Variants in GLCE observed in about 807,000 individuals in gnomAD.
GLCE encodes the protein D-glucuronyl C5-epimerase.
In GLCE, 19 loss-of-function variants were observed where a neutral mutation model predicts 47.9. The ratio of observed to expected loss-of-function variants is 0.40; its 90% CI spans 0.28 to 0.58. The LOEUF is 0.58. Among genes scored for constraint, GLCE ranks in the 20% least tolerant of loss-of-function variants. The pLI is 0.48. For missense variants in GLCE, 556 were observed against 743.3 expected (o/e 0.75, Z 2.93); for synonymous variants, 245 against 263.4 (o/e 0.93, Z 0.68).
At chr15:69,205,222 C>A (rs952511387) in intron 1 of GLCE, among the ~76,000 whole-genome samples, 1 of 151,658 alleles carries the variant, frequency 6.6e-6, no homozygotes, top group African/African-American at 2.4e-5. Flanking sequence ...CAAAAATGGT[C>A]ATGAAGTGGA....
chr15:69,207,939 G>T (rs979078877), intron 1 of GLCE, among the ~76,000 whole-genome samples: 1 of 151,824 alleles, frequency 6.6e-6, no homozygotes, highest in Non-Finnish European at 1.5e-5. Context: ...TTGTTTGTTT[G>T]TTTGTTTTTT....
chr15:69,241,072 G>GTCA (rs1293840418), intron 2 of GLCE, among the ~76,000 whole-genome samples: 48 of 152,084 alleles, frequency 3.2e-4, no homozygotes, highest in African/African-American at 1.1e-3. Flanking sequence ...CATCGTCGTC[G>GTCA]TCATCATCAT....
intron 1 of GLCE, among the ~76,000 whole-genome samples, chr15:69,203,046 A>C (rs548678265): frequency 6.6e-6 from 1 of 152,282 alleles, no homozygotes; most frequent in East Asian, 1.9e-4. Context: ...GGGTGAAGGA[A>C]AGTAGTAGCT....
intron 1 of GLCE, among the ~76,000 whole-genome samples, chr15:69,183,917 T>A (rs2051786203): frequency 6.6e-6 from 1 of 152,168 alleles, no homozygotes; most frequent in Non-Finnish European, 1.5e-5. Flanking sequence ...AGAACCAAGT[T>A]GTAGTTAGAG....
chr15:69,173,250 G>T (rs980098407), intron 1 of GLCE, among the ~76,000 whole-genome samples: 3 of 152,238 alleles, frequency 2.0e-5, no homozygotes, highest in African/African-American at 7.2e-5. Flanking sequence ...AGTGAGAAGA[G>T]AGTAATCAGA....
Position 69,261,130 on chromosome 15 carries a change from T to A in GLCE, c.630T>A (p.Tyr210Ter). 6.2e-7 allele frequency: 1 copy of A among 1,612,700 alleles called. No homozygotes were observed. Among genetic ancestry groups the A allele is most frequent in the East Asian group, 2.2e-5 (1 of 44,858 alleles). The change falls in exon 4 of 5, where the codon TAT becomes TAA. Residue 210 changes from tyrosine to a stop codon, truncating the protein, a stop_gained. Coordinates refer to ENST00000261858, the MANE Select transcript of GLCE (RefSeq NM_015554.3). LOFTEE classifies it high-confidence loss of function. ...STQWGPQGYF[Y>*]PIQIAQYGLS... ...AATGGGGACCTCAAGGCTATTTCTA[T>A]CCAATCCAGATTGCACAGTATGGAT...
intron 2 of GLCE, among the ~76,000 whole-genome samples, chr15:69,250,284 A>C (rs1566968734): frequency 1.3e-5 from 2 of 152,080 alleles, no homozygotes; most frequent in East Asian, 3.9e-4. Context: ...ATTATAATGA[A>C]ATTACTGAGT....
chr15:69,260,257 T>C (rs1187093590), intron 3 of GLCE, among the ~76,000 whole-genome samples: 22 of 140,664 alleles, frequency 1.6e-4, no homozygotes, highest in African/African-American at 5.3e-4. Flanking sequence ...AACTGGTTTT[T>C]TTTTTTTTTT....
chr15:69,180,288 C>T (rs1424040671), intron 1 of GLCE, among the ~76,000 whole-genome samples: 1 of 151,960 alleles, frequency 6.6e-6, no homozygotes, highest in Non-Finnish European at 1.5e-5. Context: ...AATATTTGAC[C>T]ATTTTATGCC....
At chr15:69,194,009 G>A (rs1294398182) in intron 1 of GLCE, among the ~76,000 whole-genome samples, 2 of 152,116 alleles carry the variant, frequency 1.3e-5, no homozygotes, top group Admixed American at 6.6e-5. Flanking sequence ...TGAGAAATGA[G>A]AGAAGAAAAG....
intron 4 of GLCE, among the ~76,000 whole-genome samples, chr15:69,265,586 C>T (rs1182690007): frequency 6.6e-6 from 1 of 152,156 alleles, no homozygotes; most frequent in African/African-American, 2.4e-5. Flanking sequence ...AAAATTAATA[C>T]ATTGGCTTTT....
chr15:69,193,747 T>G (rs1177689086), intron 1 of GLCE, among the ~76,000 whole-genome samples: 1 of 152,032 alleles, frequency 6.6e-6, no homozygotes, highest in East Asian at 2.0e-4. Flanking sequence ...AAGTGTCTCC[T>G]TAAATTTTGT....
At chr15:69,237,674 C>G (rs2052612224) in intron 2 of GLCE, among the ~76,000 whole-genome samples, 1 of 152,096 alleles carries the variant, frequency 6.6e-6, no homozygotes, top group Admixed American at 6.6e-5. Context: ...TACTCTGTAT[C>G]TTATGATTTT....
rs2053145372 is a variant in GLCE, at chr15:69,270,140, A to G, written c.*896A>G. ...ACTTATTACAAATCTAAATTTGGAA[A>G]GGAGCTAGTAGCTTTAAGGCCACCA... is the stretch of plus-strand genomic sequence containing the variant. On this transcript the variant is annotated 3_prime_UTR_variant, in exon 5 of 5. Transcript: ENST00000261858. 1 of 152,322 alleles carries G rather than the reference A, an allele frequency of 6.6e-6. No individual in the cohort carries two copies. The highest frequency in any genetic ancestry group is 6.5e-5 in the Admixed American group (1 of 15,276). The allele number at this position is 152,322 out of a possible 1,614,324, so 9.4% of individuals were successfully genotyped here.
chr15:69,194,916 T>C (rs1445118447), intron 1 of GLCE, among the ~76,000 whole-genome samples: 2 of 152,162 alleles, frequency 1.3e-5, no homozygotes, highest in African/African-American at 4.8e-5. Context: ...TCTTTATAGA[T>C]AAATGCAATG....
At chr15:69,215,541 T>C (rs1278732145) in intron 2 of GLCE, among the ~76,000 whole-genome samples, 1 of 150,148 alleles carries the variant, frequency 6.7e-6, no homozygotes, top group Non-Finnish European at 1.5e-5. Context: ...ACATAAAGGG[T>C]GTGTGTGTGT....
At chr15:69,246,733 A>AT in intron 2 of GLCE, among the ~76,000 whole-genome samples, 1 of 151,914 alleles carries the variant, frequency 6.6e-6, no homozygotes, top group South Asian at 2.1e-4. Context: ...AAAAAAAAAA[A>AT]AGACATGAAA....
intron 1 of GLCE, among the ~76,000 whole-genome samples, chr15:69,182,940 A>T (rs1236063513): frequency 1.3e-5 from 2 of 152,098 alleles, no homozygotes; most frequent in African/African-American, 4.8e-5. Context: ...ACTTGAGTCC[A>T]GTGAGCTGTG....
At chr15:69,249,728 C>T (rs935653227) in intron 2 of GLCE, among the ~76,000 whole-genome samples, 4 of 152,148 alleles carry the variant, frequency 2.6e-5, no homozygotes, top group Admixed American at 6.5e-5. Flanking sequence ...TTTGAAAGCT[C>T]ATGATGCTAT....
Sources: allele counts gnomAD v4.1 joint callset (sites outside exome capture counted in the v4.1 genomes callset), GRCh38; gene constraint gnomAD v4.1.1; transcripts MANE v1.5; gene names NCBI Gene and HGNC (gene_info 2026-07-23, HGNC 2026-07-21).